CFAP161: variants seen among roughly 807,000 people sequenced by gnomAD.
CFAP161 encodes the protein cilia- and flagella-associated protein 161.
CFAP161 carries 25 observed loss-of-function variants against 29.0 expected under a neutral mutation model. The ratio of observed to expected loss-of-function variants is 0.86; its 90% confidence interval spans 0.63 to 1.20. CFAP161 has a LOEUF of 1.20. Ranked by LOEUF, CFAP161 falls within the 50% of genes most tolerant of loss-of-function variation. The pLI is 0.00. For synonymous variants in CFAP161, 116 were observed against 137.4 expected, an observed-to-expected ratio of 0.84 and a Z score of 1.09; for missense variants, 367 against 371.9, an observed-to-expected ratio of 0.99 and a Z score of 0.11.
Position 81,148,592 on chromosome 15 carries a change from G to T in CFAP161, c.*59G>T. The T allele has an allele frequency of 6.6e-7, 1 of 1,509,038 alleles. No individual in the cohort carries two copies. Among genetic ancestry groups the T allele is most frequent in the African/African-American group, 1.4e-5 (1 of 72,680 alleles). The allele number at this position is 1,509,038 out of a possible 1,614,324, so 93.5% of individuals were successfully genotyped here. On this transcript the variant is annotated 3_prime_UTR_variant, in exon 7 of 7. Coordinates refer to ENST00000286732, the MANE Select transcript of CFAP161 (RefSeq NM_173528.4). ...GCTCTCATCAAATGTAGCTTTAAAA[G>T]AAATTAACAACCTTGGTCATGCCTC... is the stretch of plus-strand genomic sequence containing the variant.
At chr15:81,143,844 T>C (rs1341510490) in intron 5 of CFAP161, 24 bp downstream of exon 5, 2 of 1,605,768 alleles carry the variant, frequency 1.2e-6, no homozygotes, top group Admixed American at 3.4e-5. Context: ...CGGGAAGACA[T>C]GGGTGTCTAG....
chr15:81,109,060 G>A (rs146468120), intron 1 of CFAP161, among the ~76,000 whole-genome samples: 3 of 152,142 alleles, frequency 2.0e-5, no homozygotes, highest in Non-Finnish European at 4.4e-5. Flanking sequence ...TGTCACGGTG[G>A]AGAAGGGCTC....
At chr15:81,140,398 C>T (rs1441849088) in intron 4 of CFAP161, among the ~76,000 whole-genome samples, 3 of 151,994 alleles carry the variant, frequency 2.0e-5, no homozygotes, top group Non-Finnish European at 4.4e-5. Flanking sequence ...TCATTTTGTC[C>T]CAGATGACTG....
chr15:81,102,729 C>A (rs1894317775), intron 1 of CFAP161, among the ~76,000 whole-genome samples: 1 of 152,180 alleles, frequency 6.6e-6, no homozygotes, highest in South Asian at 2.1e-4. Context: ...CTGCAGAGGG[C>A]AGGCTGGTAT....
intron 1 of CFAP161, among the ~76,000 whole-genome samples, chr15:81,122,429 C>T (rs913286740): frequency 1.3e-5 from 2 of 151,062 alleles, no homozygotes; most frequent in African/African-American, 4.9e-5. Context: ...GATGGTATCT[C>T]ATTGTGGTGT....
intron 1 of CFAP161, among the ~76,000 whole-genome samples, chr15:81,109,372 T>G (rs1266048801): frequency 1.3e-5 from 2 of 152,248 alleles, no homozygotes; most frequent in Non-Finnish European, 2.9e-5. Flanking sequence ...CTTCAGGATC[T>G]TAATCCCCCT....
chr15:81,124,869 TTC>T (rs1397635215), intron 1 of CFAP161, among the ~76,000 whole-genome samples: 2 of 152,146 alleles, frequency 1.3e-5, no homozygotes, highest in Non-Finnish European at 2.9e-5. Context: ...CCCTTATCAT[TTC>T]TGATTGTGCA....
chr15:81,140,385 A>G (rs1043955964), intron 4 of CFAP161, among the ~76,000 whole-genome samples: 4 of 152,186 alleles, frequency 2.6e-5, no homozygotes, highest in African/African-American at 7.2e-5. Context: ...TTATGTGAAC[A>G]TCTCATTTTG....
chr15:81,133,432 A>G (rs1222372280), upstream of CFAP161, among the ~76,000 whole-genome samples: 1 of 151,804 alleles, frequency 6.6e-6, no homozygotes, highest in Non-Finnish European at 1.5e-5. Flanking sequence ...CTTTTCTTTT[A>G]GACTGGGTTT....
chr15:81,139,750 A>G (rs994140749), intron 4 of CFAP161, among the ~76,000 whole-genome samples: 2 of 152,194 alleles, frequency 1.3e-5, no homozygotes, highest in Non-Finnish European at 2.9e-5. Flanking sequence ...TTCTACCTTT[A>G]GGATAGATTT....
At chr15:81,129,587 G>A (rs1468536129), upstream of CFAP161, among the ~76,000 whole-genome samples, 4 of 152,156 alleles carry the variant, frequency 2.6e-5, no homozygotes, top group East Asian at 7.7e-4. Flanking sequence ...CCCACAACAT[G>A]TGGGAATTAT....
At chr15:81,118,744 G>GC (rs1252881749) in intron 1 of CFAP161, among the ~76,000 whole-genome samples, 15 of 152,214 alleles carry the variant, frequency 9.9e-5, no homozygotes, top group Admixed American at 9.8e-4. Flanking sequence ...GCTGAGGCCC[G>GC]CCCCAAACCA....
At chr15:81,143,106 A>C (rs183507807) in intron 4 of CFAP161, among the ~76,000 whole-genome samples, 162 of 152,280 alleles carry the variant, frequency 1.1e-3, no homozygotes, top group African/African-American at 3.7e-3. Flanking sequence ...TGAGACCAGG[A>C]GTTCAAGACC....
At chr15:81,105,632 C>G (rs143933082) in intron 1 of CFAP161, among the ~76,000 whole-genome samples, 1 of 152,246 alleles carries the variant, frequency 6.6e-6, no homozygotes, top group African/African-American at 2.4e-5. Context: ...GGGTTTCCTG[C>G]AATTCTGGGG....
Position 81,109,055 on chromosome 15 carries a change from C to T in CFAP161, c.-141-18535C>T, listed in dbSNP as rs142432597. ...AGAGGAGTGAGCAGGAGCATTGTCA[C>T]GGTGGAGAAGGGCTCTCCAGTGAAG... On this transcript the variant is annotated intron_variant, in intron 1 of 4. Transcript: ENST00000560091. 1.5e-3 allele frequency among the ~76,000 whole-genome samples: 233 copies of T among 152,208 alleles called. 1 individual carries two copies. The highest frequency in any genetic ancestry group is 5.1e-3 in the African/African-American group (210 of 41,516).
At chr15:81,129,833 G>A (rs12101618), upstream of CFAP161, among the ~76,000 whole-genome samples, 1 of 139,478 alleles carries the variant, frequency 7.2e-6, no homozygotes, top group East Asian at 2.0e-4. Flanking sequence ...TTTTTTCTCT[G>A]TGAAAGTCCT....
intron 1 of CFAP161, among the ~76,000 whole-genome samples, chr15:81,124,256 T>G (rs1894612355): frequency 6.6e-6 from 1 of 152,208 alleles, no homozygotes; most frequent in African/African-American, 2.4e-5. Context: ...TTTTTCTGCA[T>G]CTATTGAGAT....
At chr15:81,136,779 C>A (rs745817180) in intron 3 of CFAP161, 31 bp downstream of exon 3, 1 of 1,554,312 alleles carries the variant, frequency 6.4e-7, no homozygotes, top group South Asian at 1.1e-5. Context: ...AGTTCATTTT[C>A]ATCATAAATA....
intron 4 of CFAP161, among the ~76,000 whole-genome samples, chr15:81,142,636 G>T (rs996070168): frequency 6.6e-6 from 1 of 152,176 alleles, no homozygotes; most frequent in Non-Finnish European, 1.5e-5. Flanking sequence ...CACCTCTTCT[G>T]CTAGGTGGAG....
Sources: gnomAD v4.1 joint callset for allele counts (sites outside exome capture counted in the v4.1 genomes callset) on GRCh38, gnomAD v4.1.1 for gene constraint, MANE v1.5 for transcripts, NCBI Gene and HGNC (gene_info 2026-07-23, HGNC 2026-07-21) for gene names.